The following TRIM44 variants were observed in gnomAD, a reference collection of about 807,000 sequenced individuals.
TRIM44 encodes tripartite motif containing 44.
Under a neutral mutation model 37.4 loss-of-function variants are expected in TRIM44, and 13 were observed. The ratio of observed to expected loss-of-function variants is 0.35; its 90% CI spans 0.23 to 0.55. The LOEUF (loss-of-function observed/expected upper bound fraction) is 0.55. Ranked by LOEUF, TRIM44 falls within the 20% of genes least tolerant of loss-of-function variation. The pLI, the probability that TRIM44 is intolerant of heterozygous loss-of-function variation, is 0.89. For missense variants in TRIM44, 426 were observed against 437.2 expected, an observed-to-expected ratio of 0.97 and a Z score of 0.23; for synonymous variants, 175 against 157.2, an observed-to-expected ratio of 1.11 and a Z score of -0.85.
intron 4 of TRIM44, among the ~76,000 whole-genome samples, chr11:35,770,871 C>T (rs1487411966): frequency 6.6e-6 from 1 of 152,118 alleles, no homozygotes; most frequent in Non-Finnish European, 1.5e-5. Flanking sequence ...TCTCTTGCCA[C>T]CACCGTGTAA....
rs1853387410 is a variant in TRIM44, at chr11:35,802,793, A to G, written c.1008-3565A>G. 2.0e-5 allele frequency among the ~76,000 whole-genome samples: 3 copies of G among 152,188 alleles called. 1 individual carries two copies. In the South Asian group the frequency reaches 6.2e-4, roughly 32 times the overall value. On this transcript the variant is annotated intron_variant, in intron 4 of 4. Transcript: ENST00000299413. Reference sequence around the variant, plus strand: ...AGAGTGATACTCAGCCTTTCTAGTTAGTACCTGTATTTCATTAGGTCTGGG... The same window carrying G: ...AGAGTGATACTCAGCCTTTCTAGTTGGTACCTGTATTTCATTAGGTCTGGG...
chr11:35,800,998 A>G (rs560446874), intron 4 of TRIM44, among the ~76,000 whole-genome samples: 29 of 152,296 alleles, frequency 1.9e-4, no homozygotes, highest in African/African-American at 6.5e-4. Flanking sequence ...TTTATTTTGT[A>G]AAGTTCAGAT....
chr11:35,792,111 A>ACACTCTCTCT (rs796092540), intron 4 of TRIM44, among the ~76,000 whole-genome samples: 9 of 114,298 alleles, frequency 7.9e-5, no homozygotes, highest in African/African-American at 3.3e-4. Context: ...ACACACACAC[A>ACACTCTCTCT]CTCTCTCTCA....
At chr11:35,705,580 A>G (rs1440490722) in intron 2 of TRIM44, among the ~76,000 whole-genome samples, 1 of 151,954 alleles carries the variant, frequency 6.6e-6, no homozygotes, top group African/African-American at 2.4e-5. Flanking sequence ...CCACAGTGCA[A>G]TCAAACTAGA....
intron 4 of TRIM44, among the ~76,000 whole-genome samples, chr11:35,752,559 TC>T (rs1852572243): frequency 6.6e-6 from 1 of 151,614 alleles, no homozygotes; most frequent in Non-Finnish European, 1.5e-5. Context: ...CAAATATCTC[TC>T]GAGTCAGTCT....
At chr11:35,765,921 C>T (rs1852792622) in intron 4 of TRIM44, among the ~76,000 whole-genome samples, 1 of 152,126 alleles carries the variant, frequency 6.6e-6, no homozygotes, top group South Asian at 2.1e-4. Flanking sequence ...AAAATCCATC[C>T]AAACTAGTTC....
chr11:35,725,710 A>G (rs1852166230), intron 2 of TRIM44, among the ~76,000 whole-genome samples: 2 of 152,168 alleles, frequency 1.3e-5, no homozygotes, highest in African/African-American at 4.8e-5. Context: ...AAAAAAGGAT[A>G]AGAAATTACT....
intron 2 of TRIM44, among the ~76,000 whole-genome samples, chr11:35,716,694 G>A (rs1054403895): frequency 6.6e-6 from 1 of 152,156 alleles, no homozygotes; most frequent in Non-Finnish European, 1.5e-5. Flanking sequence ...CCAGAGTTTG[G>A]AGCCTGATAA....
At chr11:35,732,653 G>A (rs1288116670) in intron 3 of TRIM44, among the ~76,000 whole-genome samples, 1 of 152,238 alleles carries the variant, frequency 6.6e-6, no homozygotes, top group African/African-American at 2.4e-5. Flanking sequence ...CCCTACAAAT[G>A]TGGGAGAAAG....
intron 4 of TRIM44, among the ~76,000 whole-genome samples, chr11:35,773,043 A>T (rs939953718): frequency 6.6e-6 from 1 of 152,086 alleles, no homozygotes; most frequent in Non-Finnish European, 1.5e-5. Context: ...CCCCCATGCT[A>T]TTCTCATGGT....
rs546146116 is a variant in TRIM44, at chr11:35,763,344, A to G, written c.1007+27899A>G. Reference sequence around the variant, plus strand: ...CATTCTGGACTTGGATAAGCACAGTAGCAAAGGAGAGAAGAGAACAGGTGG... The same window carrying G: ...CATTCTGGACTTGGATAAGCACAGTGGCAAAGGAGAGAAGAGAACAGGTGG... On this transcript the variant is annotated intron_variant, in intron 4 of 4. Transcript: ENST00000299413. Among the ~76,000 whole-genome samples, 20 of 152,244 alleles carry G rather than the reference A, an allele frequency of 1.3e-4. 1 individual carries two copies. The East Asian group carries it at 2.9e-3, about 22-fold the overall frequency.
chr11:35,736,120 T>C (rs539224420), intron 4 of TRIM44, among the ~76,000 whole-genome samples: 57 of 152,282 alleles, frequency 3.7e-4, no homozygotes, highest in African/African-American at 1.3e-3. Context: ...GAGGAATATT[T>C]GTACAAAGTA....
In TRIM44 at chr11:35,687,770, A is replaced by G. The variant is rs140261900; in HGVS notation, c.747+2434A>G. 2.3e-3 allele frequency among the ~76,000 whole-genome samples: 350 copies of G among 152,352 alleles called. 1 individual carries two copies. The highest frequency in any genetic ancestry group is 0.01 in the Middle Eastern group (3 of 294). On this transcript the variant is annotated intron_variant, in intron 2 of 4. Transcript: ENST00000299413. ...TGTCAGGGTTTTCTCTTGATGCATC[A>G]TAAGGTAAAGGATATTTGTAAGGAC...
At chr11:35,697,331 G>T (rs537492075) in intron 2 of TRIM44, among the ~76,000 whole-genome samples, 1 of 150,568 alleles carries the variant, frequency 6.6e-6, no homozygotes, top group South Asian at 2.1e-4. Flanking sequence ...TTCTGTCCTT[G>T]TGATAGTTTG....
At chr11:35,713,551 A>T (rs1017317253) in intron 2 of TRIM44, among the ~76,000 whole-genome samples, 3 of 150,996 alleles carry the variant, frequency 2.0e-5, no homozygotes, top group Non-Finnish European at 4.4e-5. Flanking sequence ...GTCAGATGAC[A>T]TGAGTCCATA....
chr11:35,753,072 G>T (rs904347562), intron 4 of TRIM44, among the ~76,000 whole-genome samples: 1 of 152,232 alleles, frequency 6.6e-6, no homozygotes, highest in South Asian at 2.1e-4. Context: ...ACCCTGGTTT[G>T]GAATAGGAAA....
At chr11:35,737,229 C>G (rs1054799466) in intron 4 of TRIM44, among the ~76,000 whole-genome samples, 7 of 152,154 alleles carry the variant, frequency 4.6e-5, no homozygotes, top group Non-Finnish European at 1.0e-4. Context: ...GAGCCCAGAT[C>G]ATTTAGGGCC....
chr11:35,769,801 A>G (rs2133865023), intron 4 of TRIM44, among the ~76,000 whole-genome samples: 1 of 152,322 alleles, frequency 6.6e-6, no homozygotes, highest in Non-Finnish European at 1.5e-5. Flanking sequence ...AAATTGAACA[A>G]ATTGAGTGTA....
At chr11:35,684,023 A>T (rs1419821605) in intron 1 of TRIM44, among the ~76,000 whole-genome samples, 1 of 152,180 alleles carries the variant, frequency 6.6e-6, no homozygotes, top group East Asian at 1.9e-4. Flanking sequence ...TATGAAATAG[A>T]TAGTTATTGG....
Sources: gnomAD v4.1 joint callset for allele counts (sites outside exome capture counted in the v4.1 genomes callset) on GRCh38, gnomAD v4.1.1 for gene constraint, MANE v1.5 for transcripts, NCBI Gene and HGNC (gene_info 2026-07-23, HGNC 2026-07-21) for gene names.